SEMA3E: variants seen among roughly 807,000 people sequenced by gnomAD.
SEMA3E encodes semaphorin-3E.
In SEMA3E, 49 loss-of-function variants were observed where a neutral mutation model predicts 93.6. The observed-to-expected ratio is 0.52, with a 90% CI of 0.42 to 0.66. The LOEUF is 0.66. Among genes scored for constraint, SEMA3E ranks in the 30% least tolerant of loss-of-function variants. The pLI, the probability that SEMA3E is intolerant of heterozygous loss-of-function variation, is 0.00. For missense variants in SEMA3E, 906 were observed against 964.8 expected, an observed-to-expected ratio of 0.94 and a Z score of 0.81; for synonymous variants, 363 against 330.7, an observed-to-expected ratio of 1.10 and a Z score of -1.06.
chr7:83,442,915 C>A (rs1789146971), intron 4 of SEMA3E, among the ~76,000 whole-genome samples: 1 of 152,120 alleles, frequency 6.6e-6, no homozygotes, highest in Admixed American at 6.6e-5. Flanking sequence ...CTTGGAATTT[C>A]CAGTACATTG....
At chr7:83,377,679 G>C (rs1364402993) in intron 16 of SEMA3E, among the ~76,000 whole-genome samples, 1 of 151,994 alleles carries the variant, frequency 6.6e-6, no homozygotes, top group Non-Finnish European at 1.5e-5. Flanking sequence ...TGAAATTGAA[G>C]TGAGGAATTA....
intron 1 of SEMA3E, among the ~76,000 whole-genome samples, chr7:83,561,107 A>G (rs1792021247): frequency 6.6e-6 from 1 of 152,038 alleles, no homozygotes; most frequent in Admixed American, 6.6e-5. Context: ...AACAGGATTT[A>G]AAAAACCAAC....
At position 83,648,439 on chromosome 7, in the gene SEMA3E, A is replaced by C; in HGVS notation, c.104T>G (p.Leu35Arg). 6.2e-7 allele frequency: 1 copy of C among 1,603,312 alleles called. No homozygotes were observed. The highest frequency in any genetic ancestry group is 1.1e-5 in the South Asian group (1 of 90,834). Reference protein sequence around the residue: ...TADTTHPRLRLSHKELLNLNR... With the variant: ...TADTTHPRLRRSHKELLNLNR... ...GAAAGGTAACCTACCTTTATGTGAC[A>C]GGCGTAACCGGGGGTGGGTAGTATC... Residue 35 changes from leucine to arginine, a missense_variant, in exon 1 of 17, where the codon CTG (leucine) becomes CGG (arginine). Transcript: ENST00000643230.
chr7:83,613,266 G>C (rs1793302333), intron 1 of SEMA3E, among the ~76,000 whole-genome samples: 1 of 151,876 alleles, frequency 6.6e-6, no homozygotes, highest in South Asian at 2.1e-4. Context: ...TCATCCTCCT[G>C]TCAGTAAGAA....
At chr7:83,429,356 C>T (rs544421564) in intron 4 of SEMA3E, among the ~76,000 whole-genome samples, 19 of 152,264 alleles carry the variant, frequency 1.2e-4, no homozygotes, top group Middle Eastern at 3.4e-3. Flanking sequence ...TTCTCTTCCT[C>T]ACCCTAAGTG....
chr7:83,639,131 A>AAAC (rs1793945523), intron 1 of SEMA3E, among the ~76,000 whole-genome samples: 3 of 141,698 alleles, frequency 2.1e-5, no homozygotes, highest in African/African-American at 7.9e-5. Context: ...AAAAAAAAAA[A>AAAC]AAAAAAAAAC....
At chr7:83,372,668 T>C (rs577365493) in intron 16 of SEMA3E, 1 of 157,652 alleles carries the variant, frequency 6.3e-6, no homozygotes, top group South Asian at 2.1e-4. Flanking sequence ...TTGTCCTACA[T>C]TGTTTATTTC....
chr7:83,509,920 C>T (rs1249672269), intron 1 of SEMA3E, among the ~76,000 whole-genome samples: 1 of 152,128 alleles, frequency 6.6e-6, no homozygotes, highest in Admixed American at 6.6e-5. Context: ...ATTGCCAAGA[C>T]ATCAAACTTG....
intron 1 of SEMA3E, among the ~76,000 whole-genome samples, chr7:83,545,115 G>A (rs562599025): frequency 4.1e-4 from 63 of 152,132 alleles, no homozygotes; most frequent in Non-Finnish European, 7.9e-4. Flanking sequence ...GCTATTACTT[G>A]TTGATTCCAA....
intron 14 of SEMA3E, among the ~76,000 whole-genome samples, chr7:83,390,600 C>T (rs188619735): frequency 6.6e-6 from 1 of 152,180 alleles, no homozygotes; most frequent in Admixed American, 6.5e-5. Flanking sequence ...CTATTCAGGT[C>T]TGAAGCAAAA....
rs534374313 is a variant in SEMA3E, at chr7:83,644,674, G to A, written c.115+3754C>T. Among the ~76,000 whole-genome samples, 22 of 151,996 alleles carry A rather than the reference G, an allele frequency of 1.4e-4. 1 individual carries two copies. The highest frequency in any genetic ancestry group is 2.8e-4 in the Non-Finnish European group (19 of 67,824). On this transcript the variant is annotated intron_variant, in intron 1 of 16. Coordinates refer to ENST00000643230, the MANE Select transcript of SEMA3E (RefSeq NM_012431.3). ...TATAAGTGGGGAGTACAGAGCTGGA[G>A]TAGAGGCCTCTGATTTCAAATCCTG...
chr7:83,397,723 CATA>C (rs1376500440), intron 11 of SEMA3E, among the ~76,000 whole-genome samples: 1 of 151,918 alleles, frequency 6.6e-6, no homozygotes. Flanking sequence ...TAATGCTGGA[CATA>C]ATAATTTAGA....
chr7:83,444,757 G>A (rs980288738), intron 4 of SEMA3E, among the ~76,000 whole-genome samples: 8 of 148,724 alleles, frequency 5.4e-5, no homozygotes, highest in Middle Eastern at 3.5e-3. Context: ...TGCAAACTCC[G>A]CCTCCGGGGT....
intron 1 of SEMA3E, among the ~76,000 whole-genome samples, chr7:83,616,012 G>C (rs1793360836): frequency 6.6e-6 from 1 of 151,558 alleles, no homozygotes; most frequent in African/African-American, 2.4e-5. Flanking sequence ...AAAAACATTG[G>C]TAAATTGTGG....
intron 1 of SEMA3E, among the ~76,000 whole-genome samples, chr7:83,543,392 T>G (rs1303470743): frequency 1.3e-5 from 2 of 151,778 alleles, no homozygotes; most frequent in Non-Finnish European, 2.9e-5. Flanking sequence ...AAAGCCAAAT[T>G]TGCAAGGGTT....
intron 4 of SEMA3E, among the ~76,000 whole-genome samples, chr7:83,429,909 A>T (rs1245869629): frequency 1.3e-5 from 2 of 152,114 alleles, no homozygotes; most frequent in African/African-American, 4.8e-5. Context: ...AAAAAAAATG[A>T]CTTCACTGAT....
chr7:83,541,853 T>C (rs949040578), intron 1 of SEMA3E, among the ~76,000 whole-genome samples: 3 of 144,544 alleles, frequency 2.1e-5, no homozygotes, highest in African/African-American at 5.0e-5. Context: ...GGAGTGTATA[T>C]CCTCTCATGT....
At chr7:83,554,179 G>A (rs1791833336) in intron 1 of SEMA3E, among the ~76,000 whole-genome samples, 1 of 152,032 alleles carries the variant, frequency 6.6e-6, no homozygotes, top group South Asian at 2.1e-4. Flanking sequence ...CATGTACATT[G>A]TACATGGATT....
intron 1 of SEMA3E, among the ~76,000 whole-genome samples, chr7:83,503,654 C>G: frequency 6.6e-6 from 1 of 152,116 alleles, no homozygotes; most frequent in Non-Finnish European, 1.5e-5. Flanking sequence ...GCCTATGTAT[C>G]CTAGGCTACA....
Sources: gnomAD v4.1 joint callset for allele counts (sites outside exome capture counted in the v4.1 genomes callset) on GRCh38, gnomAD v4.1.1 for gene constraint, MANE v1.5 for transcripts, NCBI Gene and HGNC (gene_info 2026-07-23, HGNC 2026-07-21) for gene names.